The following LRP1B variants were observed in gnomAD, a reference collection of about 807,000 sequenced individuals.
LRP1B encodes LDL receptor related protein 1B, also known as low-density lipoprotein receptor-related protein 1B.
LRP1B carries 217 observed loss-of-function variants against 556.6 expected under a neutral mutation model. The ratio of observed to expected loss-of-function variants is 0.39; its 90% CI spans 0.35 to 0.44. The LOEUF (loss-of-function observed/expected upper bound fraction) is 0.44. LRP1B is among the 20% of genes least tolerant of loss of function. The pLI, the probability that LRP1B is intolerant of heterozygous loss-of-function variation, is 1.00. For synonymous variants in LRP1B, 2,047 were observed against 1,865.8 expected, an observed-to-expected ratio of 1.10 and a Z score of -2.50; for missense variants, 5,053 against 5,620.8, an observed-to-expected ratio of 0.90 and a Z score of 3.23.
At chr2:140,872,358 T>G (rs1693162991) in intron 25 of LRP1B, among the ~76,000 whole-genome samples, 1 of 116,856 alleles carries the variant, frequency 8.6e-6, no homozygotes, top group Admixed American at 1.1e-4. Flanking sequence ...TTGTGTCACC[T>G]GATTTTTTTT....
chr2:140,520,785 C>A (rs1574034251), intron 49 of LRP1B, among the ~76,000 whole-genome samples: 7 of 95,142 alleles, frequency 7.4e-5, no homozygotes, highest in South Asian at 3.4e-4. Flanking sequence ...TGAAATCTAA[C>A]ACTAAGAAAA....
At chr2:140,531,823 G>C (rs1690707140) in intron 47 of LRP1B, among the ~76,000 whole-genome samples, 1 of 152,078 alleles carries the variant, frequency 6.6e-6, no homozygotes, top group South Asian at 2.1e-4. Flanking sequence ...GTTCATGCCT[G>C]CCCTCTTACC....
chr2:141,345,197 T>C (rs1040670271), intron 3 of LRP1B, among the ~76,000 whole-genome samples: 3 of 150,414 alleles, frequency 2.0e-5, no homozygotes, highest in South Asian at 2.1e-4. Flanking sequence ...AGAAAATGGA[T>C]TCCCCCTTAG....
rs148673914 is a variant in LRP1B, at chr2:140,741,706, A to C, written c.5759-24890T>G. ...TGTATCCATATGTACTCAATGTTTAACTCCCAAATATAAGTCAGAACATCC... is the reference window on the plus strand; with the variant it reads ...TGTATCCATATGTACTCAATGTTTACCTCCCAAATATAAGTCAGAACATCC... On this transcript the variant is annotated intron_variant, in intron 35 of 90. Transcript: ENST00000389484. Among the ~76,000 whole-genome samples, 424 of 149,106 alleles carry C rather than the reference A, an allele frequency of 2.8e-3. 2 individuals are homozygous for C. Among genetic ancestry groups the C allele is most frequent in the African/African-American group, 9.9e-3 (403 of 40,520 alleles).
intron 82 of LRP1B, 111 bp from the exon 83 acceptor site, chr2:140,315,210 AATT>A: frequency 2.9e-6 from 2 of 685,484 alleles, no homozygotes; most frequent in South Asian, 6.1e-5. Context: ...TCCATAAAAT[AATT>A]AACCCCAAGT....
chr2:141,615,184 A>T (rs1487914958), intron 2 of LRP1B, among the ~76,000 whole-genome samples: 1 of 152,228 alleles, frequency 6.6e-6, no homozygotes, highest in Non-Finnish European at 1.5e-5. Context: ...TAAATCGGTT[A>T]GTGATAAACT....
At chr2:141,912,519 G>C (rs1478687445) in intron 1 of LRP1B, among the ~76,000 whole-genome samples, 1 of 152,094 alleles carries the variant, frequency 6.6e-6, no homozygotes, top group Non-Finnish European at 1.5e-5. Context: ...AAAGAAGATG[G>C]AGCTAGGAAA....
chr2:141,192,204 C>T (rs1681545723), intron 6 of LRP1B, among the ~76,000 whole-genome samples: 1 of 151,832 alleles, frequency 6.6e-6, no homozygotes, highest in Non-Finnish European at 1.5e-5. Flanking sequence ...AGAGTTCAAG[C>T]AAGTAAGCCA....
chr2:141,530,376 G>A (rs60639360), intron 2 of LRP1B, among the ~76,000 whole-genome samples: 2,004 of 152,136 alleles, frequency 0.013, 52 homozygotes, highest in African/African-American at 0.045. Context: ...GAACAGGAGG[G>A]AACTGTTCTT....
intron 7 of LRP1B, among the ~76,000 whole-genome samples, chr2:141,133,102 G>A (rs979033887): frequency 5.3e-5 from 8 of 151,878 alleles, no homozygotes; most frequent in African/African-American, 1.7e-4. Context: ...CTTTGAACCC[G>A]ACTGAGAATG....
Position 141,900,372 on chromosome 2 carries a change from G to A in LRP1B, c.83-89971C>T, listed in dbSNP as rs562277002. On this transcript the variant is annotated intron_variant, in intron 1 of 90. Coordinates refer to ENST00000389484, the MANE Select transcript of LRP1B (RefSeq NM_018557.3). ...TTTGCAGATATGCAAAAGAAAATTA[G>A]CTAGCTGGTTATACCTATGTATGTC... 2.0e-5 allele frequency among the ~76,000 whole-genome samples: 3 copies of A among 152,130 alleles called. No homozygotes were observed. The South Asian group carries it at 6.2e-4, about 32-fold the overall frequency.
intron 2 of LRP1B, among the ~76,000 whole-genome samples, chr2:141,686,551 T>C (rs1377269286): frequency 6.6e-6 from 1 of 152,050 alleles, no homozygotes; most frequent in Admixed American, 6.6e-5. Context: ...AATGGGCTAC[T>C]ATCATCAAAG....
intron 3 of LRP1B, among the ~76,000 whole-genome samples, chr2:141,324,244 T>C (rs1468909353): frequency 4.3e-4 from 66 of 151,880 alleles, no homozygotes; most frequent in Non-Finnish European, 2.9e-5. Context: ...TAAACAATAA[T>C]AGAGTAGTCC....
chr2:140,516,831 T>C (rs891171119), intron 50 of LRP1B, 58 bp downstream of exon 50: 12 of 1,517,970 alleles, frequency 7.9e-6, no homozygotes, highest in African/African-American at 2.7e-5. Context: ...CATAAGAGAA[T>C]ACTAACATAT....
chr2:141,520,416 A>T (rs1422552809), intron 2 of LRP1B, among the ~76,000 whole-genome samples: 1 of 151,914 alleles, frequency 6.6e-6, no homozygotes, highest in Non-Finnish European at 1.5e-5. Context: ...AGCTCGCTTA[A>T]CTCTCCCTGT....
intron 1 of LRP1B, among the ~76,000 whole-genome samples, chr2:141,991,670 G>C (rs1036087411): frequency 6.6e-6 from 1 of 152,028 alleles, no homozygotes; most frequent in South Asian, 2.1e-4. Flanking sequence ...AGAGGAAACA[G>C]ACTTAGTTTT....
At chr2:141,365,309 C>A (rs1239613257) in intron 3 of LRP1B, among the ~76,000 whole-genome samples, 1 of 152,080 alleles carries the variant, frequency 6.6e-6, no homozygotes, top group Non-Finnish European at 1.5e-5. Context: ...GTGATCCTCC[C>A]ACTTCGGCCT....
Position 140,525,873 on chromosome 2 carries a change from C to T in LRP1B, c.7997G>A (p.Gly2666Glu), listed in dbSNP as rs2104967165. Residue 2666 changes from glycine (G) to glutamate (E), a missense_variant, in exon 49 of 91, where the codon GGA becomes GAA. Physicochemically the swap from Gly to Glu is moderately conservative, Grantham distance 98. Coordinates refer to ENST00000389484, the MANE Select transcript of LRP1B (RefSeq NM_018557.3). ...GCACTTTAATTCATCTGAATAGTCTCCACAGTCATTAGACCCGTCGCATAT... is the reference window on the plus strand; with the variant it reads ...GCACTTTAATTCATCTGAATAGTCTTCACAGTCATTAGACCCGTCGCATAT... ...TWICDGSNDC[G>E]DYSDELKCPV... The T allele has an allele frequency of 6.2e-7, 1 of 1,612,176 alleles. No homozygotes were observed. The highest frequency in any genetic ancestry group is 1.1e-5 in the South Asian group (1 of 91,036).
intron 1 of LRP1B, among the ~76,000 whole-genome samples, chr2:141,849,566 ACT>A (rs1369575656): frequency 6.6e-6 from 1 of 151,484 alleles, no homozygotes; most frequent in East Asian, 1.9e-4. Flanking sequence ...ATAATTTAAA[ACT>A]CTTCTTGACA....
Sources: allele counts gnomAD v4.1 joint callset (sites outside exome capture counted in the v4.1 genomes callset), GRCh38; gene constraint gnomAD v4.1.1; transcripts MANE v1.5; gene names NCBI Gene and HGNC (gene_info 2026-07-23, HGNC 2026-07-21).